RFX7: variants seen among roughly 807,000 people sequenced by gnomAD.
RFX7 encodes the protein regulatory factor X7.
RFX7 carries 26 observed loss-of-function variants against 111.8 expected under a neutral mutation model. The observed-to-expected ratio is 0.23, with a 90% confidence interval of 0.17 to 0.32. The LOEUF (loss-of-function observed/expected upper bound fraction) is 0.32, where lower values mean the gene tolerates loss of function less well. Among genes scored for constraint, RFX7 ranks in the 10% least tolerant of loss-of-function variants. The pLI, the probability that RFX7 is intolerant of heterozygous loss-of-function variation, is 1.00. For synonymous variants in RFX7, 624 were observed against 624.4 expected (o/e 1.00, Z 0.01); for missense variants, 1,573 against 1,772.9 (o/e 0.89, Z 2.02).
intron 3 of RFX7, among the ~76,000 whole-genome samples, chr15:56,161,618 G>A (rs916479629): frequency 1.3e-5 from 2 of 151,794 alleles, no homozygotes; most frequent in South Asian, 2.1e-4. Context: ...AGATAAATCC[G>A]GAAAGAAACA....
intron 5 of RFX7, among the ~76,000 whole-genome samples, chr15:56,136,134 T>A (rs1282933409): frequency 1.3e-5 from 2 of 152,054 alleles, no homozygotes; most frequent in Admixed American, 6.6e-5. Context: ...TTAAAGTAGT[T>A]TTTTACAATT....
intron 2 of RFX7, among the ~76,000 whole-genome samples, chr15:56,218,742 A>G (rs1381813032): frequency 6.6e-6 from 1 of 152,212 alleles, no homozygotes; most frequent in African/African-American, 2.4e-5. Context: ...TAATGGTATC[A>G]TGTATTGAGT....
intron 6 of RFX7, among the ~76,000 whole-genome samples, chr15:56,102,483 A>G (rs2041768174): frequency 6.6e-6 from 1 of 152,216 alleles, no homozygotes; most frequent in South Asian, 2.1e-4. Context: ...TTAAATGAAA[A>G]GATTCTCATC....
intron 5 of RFX7, among the ~76,000 whole-genome samples, chr15:56,110,167 C>T (rs1196748657): frequency 7.6e-6 from 1 of 131,832 alleles, no homozygotes; most frequent in African/African-American, 2.8e-5. Context: ...GCCTGGCCAG[C>T]CGCCCCGTCC....
Position 56,190,651 on chromosome 15 carries a change from C to G in RFX7, c.162-11348G>C, listed in dbSNP as rs545639543. ...CTAACGGTATCAGTATTCCTGGGAA[C>G]TAGTTAAAATGCAAATTTATGGGTC... On this transcript the variant is annotated intron_variant, in intron 2 of 9. Transcript: ENST00000559447. Among the ~76,000 whole-genome samples, 3 of 152,222 alleles carry G rather than the reference C, an allele frequency of 2.0e-5. No individual in the cohort carries two copies. The South Asian group carries it at 6.2e-4, about 32-fold the overall frequency.
At chr15:56,147,453 CT>C (rs2042494141) in intron 3 of RFX7, among the ~76,000 whole-genome samples, 1 of 152,116 alleles carries the variant, frequency 6.6e-6, no homozygotes, top group Non-Finnish European at 1.5e-5. Flanking sequence ...ACTGAGTTTC[CT>C]TTTGGGGTGA....
intron 3 of RFX7, among the ~76,000 whole-genome samples, chr15:56,157,282 C>T (rs1330466434): frequency 6.6e-6 from 1 of 151,982 alleles, no homozygotes; most frequent in Non-Finnish European, 1.5e-5. Context: ...GAAATTTTCC[C>T]CTATTTCAGT....
intron 5 of RFX7, among the ~76,000 whole-genome samples, chr15:56,137,571 GGATT>G (rs1284596527): frequency 3.3e-5 from 5 of 151,836 alleles, no homozygotes; most frequent in Non-Finnish European, 5.9e-5. Flanking sequence ...ACCAGCTCCT[GGATT>G]GATTAATTTT....
At chr15:56,108,667 A>G (rs1268715908) in intron 5 of RFX7, among the ~76,000 whole-genome samples, 1 of 152,188 alleles carries the variant, frequency 6.6e-6, no homozygotes, top group African/African-American at 2.4e-5. Context: ...TACCACTCCT[A>G]TTCAACATAG....
chr15:56,128,272 G>A (rs1330568100), intron 5 of RFX7, among the ~76,000 whole-genome samples: 1 of 152,010 alleles, frequency 6.6e-6, no homozygotes, highest in East Asian at 1.9e-4. Context: ...ACCAAAATCA[G>A]ACAAAAGCAT....
chr15:56,144,509 G>T, intron 3 of RFX7, 26 bp from the exon 4 acceptor site: 1 of 1,281,870 alleles, frequency 7.8e-7, no homozygotes, highest in Non-Finnish European at 1.1e-6. Flanking sequence ...TAAAAAGAAA[G>T]ATCATTTTTA....
rs1256651169 is a variant in RFX7 at position 56,243,606 on chromosome 15, T to TG, written c.-165dup. The TG allele has an allele frequency of 5.4e-5, 17 of 314,680 alleles. 1 individual carries two copies. Among genetic ancestry groups the TG allele is most frequent in the South Asian group, 1.5e-4 (1 of 6,802 alleles). 19.5% of individuals were successfully genotyped at this position (314,680 alleles called of 1,614,324 possible). On this transcript the variant is annotated 5_prime_UTR_variant, in exon 1 of 10. Transcript: ENST00000559447. The stretch of plus-strand genomic sequence containing the variant: ...CTCCTCCCGTCAGCGGCCGGGGCTG[T>TG]GGGGGGGTGAGATGGGGGCGTTTGA...
At position 56,089,097 on chromosome 15, in the gene RFX7, C is replaced by T. The variant is rs1340921330; in HGVS notation, c.*4248G>A. Reference sequence around the variant, plus strand: ...GACCACATGCTCCAGGAAATGGGCCCCCCCTCCTACCTATAAAGCATTAAT... The same window carrying T: ...GACCACATGCTCCAGGAAATGGGCCTCCCCTCCTACCTATAAAGCATTAAT... On this transcript the variant is annotated 3_prime_UTR_variant, in exon 10 of 10. Coordinates refer to ENST00000559447, the MANE Select transcript of RFX7 (RefSeq NM_022841.7). 6.6e-6 allele frequency: 1 copy of T among 152,136 alleles called. No homozygotes were observed. The highest frequency in any genetic ancestry group is 2.4e-5 in the African/African-American group (1 of 41,402). 9.4% of individuals were successfully genotyped at this position (152,136 alleles called of 1,614,324 possible). A position where few individuals can be genotyped will look rare whatever the true frequency, so the allele number is the denominator to read the frequency against.
At position 56,096,394 on chromosome 15, in the gene RFX7, C is replaced by A; in HGVS notation, c.1334G>T (p.Arg445Leu). Residue 445 changes from arginine to leucine, a missense_variant, in exon 10 of 10, where the codon CGC (arginine) becomes CTC (leucine). Physicochemically the swap from Arg to Leu is moderately radical, Grantham distance 102 (BLOSUM62 -2). This residue lies in a region of RFX7 where 288 missense variants were observed against 337.9 expected (regional missense o/e 0.85). Coordinates refer to ENST00000559447, the MANE Select transcript of RFX7 (RefSeq NM_022841.7). ...AGTAAAGAGGACAGTAGTTGGAGAG[C>A]GAATGGTGAGTGCACTGGTGTTCGC... is the stretch of plus-strand genomic sequence containing the variant. The part of the protein sequence containing the change: ...KPANTSALTI[R>L]SPTTVLFTSS... 2 of 1,613,854 alleles carry A rather than the reference C, an allele frequency of 1.2e-6. No homozygotes were observed. Among genetic ancestry groups the A allele is most frequent in the Middle Eastern group, 1.7e-4 (1 of 6,060 alleles).
At chr15:56,225,199 C>T (rs1478529190) in intron 2 of RFX7, among the ~76,000 whole-genome samples, 2 of 152,108 alleles carry the variant, frequency 1.3e-5, no homozygotes, top group Non-Finnish European at 2.9e-5. Context: ...TTTTAATCTG[C>T]CACAATAACT....
chr15:56,140,079 G>A lies in RFX7; in HGVS notation c.401+2699C>T, dbSNP rs1162233233. 6.7e-4 allele frequency among the ~76,000 whole-genome samples: 102 copies of A among 152,274 alleles called. 1 individual carries two copies. The highest frequency in any genetic ancestry group is 2.3e-3 in the African/African-American group (96 of 41,560). On this transcript the variant is annotated intron_variant, in intron 5 of 9. Transcript: ENST00000559447. ...TACTGCTGTCTTTTTGTTTGTCTGT[G>A]CCCTGCCCCCAGAGGTGGAGCCTAC...
intron 5 of RFX7, among the ~76,000 whole-genome samples, chr15:56,121,793 A>G (rs187310382): frequency 8.5e-5 from 13 of 152,248 alleles, no homozygotes; most frequent in African/African-American, 2.6e-4. Flanking sequence ...TTTTTGATCA[A>G]TTCTGCAAGT....
intron 3 of RFX7, among the ~76,000 whole-genome samples, chr15:56,149,300 G>A (rs2042533067): frequency 6.6e-6 from 1 of 152,144 alleles, no homozygotes; most frequent in African/African-American, 2.4e-5. Context: ...GGTATTTCAG[G>A]CTTAGTTACA....
chr15:56,169,700 C>CTTTTTTTTTT (rs35597885), intron 3 of RFX7, among the ~76,000 whole-genome samples: 1 of 96,868 alleles, frequency 1.0e-5, no homozygotes, highest in Non-Finnish European at 2.0e-5. Context: ...CTAGTCAGTT[C>CTTTTTTTTTT]TTTTTTTTTT....
Sources: allele counts gnomAD v4.1 joint callset (sites outside exome capture counted in the v4.1 genomes callset), GRCh38; gene constraint gnomAD v4.1.1; regional missense constraint gnomAD v4.1.1; transcripts MANE v1.5; gene names NCBI Gene and HGNC (gene_info 2026-07-23, HGNC 2026-07-21).